Variants in PPP2R1B observed in about 807,000 individuals in gnomAD.
The protein encoded by PPP2R1B is serine/threonine-protein phosphatase 2A 65 kDa regulatory subunit A beta isoform.
PPP2R1B carries 58 observed loss-of-function variants against 72.7 expected under a neutral mutation model. The ratio of observed to expected loss-of-function variants is 0.80; its 90% confidence interval spans 0.65 to 0.99. The LOEUF (loss-of-function observed/expected upper bound fraction) is 0.99, where lower values mean the gene tolerates loss of function less well. Among genes scored for constraint, PPP2R1B ranks in the 50% least tolerant of loss-of-function variants. The probability of loss-of-function intolerance (pLI) is 0.00; values close to 1 mark genes in which losing one functional copy is unlikely to be tolerated. For missense variants in PPP2R1B, 695 were observed against 733.6 expected, an observed-to-expected ratio of 0.95 and a Z score of 0.61; for synonymous variants, 256 against 264.6, an observed-to-expected ratio of 0.97 and a Z score of 0.32.
At chr11:111,723,604 C>G, downstream of PPP2R1B, 1 of 1,614,008 alleles carries the variant, frequency 6.2e-7, no homozygotes, top group Non-Finnish European at 8.5e-7. Context: ...AGCAGCTGCC[C>G]CTTCCCCGCC....
intron 11 of PPP2R1B, 85 bp from the exon 12 acceptor site, chr11:111,743,615 G>A: frequency 4.7e-6 from 7 of 1,475,946 alleles, no homozygotes; most frequent in South Asian, 1.3e-5. Context: ...AATCAAATGT[G>A]GACCAAAAGC....
rs1944388876 is a variant in PPP2R1B at position 111,737,999 on chromosome 11, T to C, written c.*3597A>G. 2.0e-6 allele frequency: 2 copies of C among 1,010,358 alleles called. No homozygotes were observed. The allele number at this position is 1,010,358 out of a possible 1,614,324, so 62.6% of individuals were successfully genotyped here. ...AGATTTCCATCCCAACTGAACGTTA[T>C]GTAATTTCCTGGAAACAGCAGGCTC... On this transcript the variant is annotated 3_prime_UTR_variant, in exon 15 of 15. Transcript: ENST00000527614.
Position 111,737,970 on chromosome 11 carries a change from CG to C in PPP2R1B, c.*3625del. Reference sequence around the variant, plus strand: ...GAGTAATTAAACTCTATTCGTCCTCCGGAAGATTTCCATCCCAACTGAACGT... The same window carrying C: ...GAGTAATTAAACTCTATTCGTCCTCCGAAGATTTCCATCCCAACTGAACGT... On this transcript the variant is annotated 3_prime_UTR_variant, in exon 15 of 15. Transcript: ENST00000527614. The C allele has an allele frequency of 3.0e-6, 3 of 1,016,626 alleles. No homozygotes were observed. Among genetic ancestry groups the C allele is most frequent in the Non-Finnish European group, 3.5e-6 (3 of 847,820 alleles). The allele number at this position is 1,016,626 out of a possible 1,614,324, so 63.0% of individuals were successfully genotyped here. A position where few individuals can be genotyped will look rare whatever the true frequency, so the allele number is the denominator to read the frequency against.
chr11:111,721,342 G>A, the PPP2R1B span, among the ~76,000 whole-genome samples: 5 of 152,056 alleles, frequency 3.3e-5, no homozygotes, highest in Non-Finnish European at 5.9e-5. Context: ...TCTTACAGTC[G>A]CCCTTGAACT....
chr11:111,730,686 C>A (rs1489187292), intron 15 of PPP2R1B: 1 of 151,234 alleles, frequency 6.6e-6, no homozygotes, highest in Non-Finnish European at 1.5e-5. Context: ...AAAAAAAAAT[C>A]AAAAGTATAA....
At chr11:111,690,013 A>T in the PPP2R1B span, among the ~76,000 whole-genome samples, 1 of 151,990 alleles carries the variant, frequency 6.6e-6, no homozygotes, top group South Asian at 2.1e-4. Flanking sequence ...ACACATATAC[A>T]CGTATATATA....
chr11:111,761,757 G>A (rs1213251719), intron 3 of PPP2R1B, among the ~76,000 whole-genome samples: 4 of 152,128 alleles, frequency 2.6e-5, no homozygotes, highest in South Asian at 2.1e-4. Context: ...TCAGGAGCTC[G>A]AGACCAGCCT....
At chr11:111,712,292 A>G in the PPP2R1B span, 4 of 1,614,174 alleles carry the variant, frequency 2.5e-6, no homozygotes, top group South Asian at 3.3e-5. Flanking sequence ...CCAGGCATCC[A>G]ACGTGGAGGC....
downstream of PPP2R1B, among the ~76,000 whole-genome samples, chr11:111,735,882 G>C (rs1944325816): frequency 6.6e-6 from 1 of 152,232 alleles, no homozygotes; most frequent in South Asian, 2.1e-4. Flanking sequence ...TCACTTGGCT[G>C]CTGGCCCCTG....
At chr11:111,749,196 T>A (rs1944812233) in intron 10 of PPP2R1B, among the ~76,000 whole-genome samples, 1 of 152,108 alleles carries the variant, frequency 6.6e-6, no homozygotes, top group Non-Finnish European at 1.5e-5. Context: ...GGCATACACT[T>A]AGATTACGTC....
At chr11:111,762,553 C>CTTTTT (rs11431567) in intron 3 of PPP2R1B, among the ~76,000 whole-genome samples, 7 of 136,160 alleles carry the variant, frequency 5.1e-5, no homozygotes, top group African/African-American at 1.9e-4. Context: ...TCCAGCAGTT[C>CTTTTT]TTTTTTTTTT....
chr11:111,733,618 A>T (rs1944258921), downstream of PPP2R1B, among the ~76,000 whole-genome samples: 1 of 151,944 alleles, frequency 6.6e-6, no homozygotes, highest in Admixed American at 6.5e-5. Flanking sequence ...CCACCCACAT[A>T]GTTGGGGGTG....
At chr11:111,734,453 T>C (rs1194478960), downstream of PPP2R1B, among the ~76,000 whole-genome samples, 1 of 152,200 alleles carries the variant, frequency 6.6e-6, no homozygotes, top group African/African-American at 2.4e-5. Flanking sequence ...CAAGCTCCAG[T>C]GTGGAAAAGA....
At chr11:111,741,862 C>A in intron 14 of PPP2R1B, 191 bp downstream of exon 14, 1 of 711,274 alleles carries the variant, frequency 1.4e-6, no homozygotes, top group Non-Finnish European at 2.4e-6. Flanking sequence ...AGAAAAATAG[C>A]CTGCTCACTT....
the PPP2R1B span, among the ~76,000 whole-genome samples, chr11:111,708,401 AAAAT>A: frequency 6.6e-5 from 10 of 152,288 alleles, no homozygotes; most frequent in African/African-American, 2.2e-4. Context: ...AACATAAAAA[AAAAT>A]AAATAAAGTA....
chr11:111,720,436 T>A, the PPP2R1B span: 3 of 1,543,110 alleles, frequency 1.9e-6, no homozygotes, highest in Non-Finnish European at 2.6e-6. Context: ...TCCAAGGAGA[T>A]GCTATTGCTG....
In PPP2R1B at chr11:111,740,277, G is replaced by T. The variant is rs1258404984; in HGVS notation, c.*1319C>A. On this transcript the variant is annotated 3_prime_UTR_variant, in exon 15 of 15. Coordinates refer to ENST00000527614, the MANE Select transcript of PPP2R1B (RefSeq NM_002716.5). The stretch of plus-strand genomic sequence containing the variant: ...CTATGGCCCAGGCTAGAGTGCAGTG[G>T]CGCGATCTCGGCTCAGTGCAACCTC... The T allele has an allele frequency of 3.2e-6, 3 of 949,678 alleles. No homozygotes were observed. In the African/African-American group the frequency reaches 5.3e-5, roughly 17 times the overall value. The allele number at this position is 949,678 out of a possible 1,614,324, so 58.8% of individuals were successfully genotyped here.
chr11:111,730,216 G>A (rs950495338), intron 15 of PPP2R1B: 3 of 152,218 alleles, frequency 2.0e-5, no homozygotes, highest in Non-Finnish European at 4.4e-5. Context: ...CAACATCCTG[G>A]AAACATATGA....
At chr11:111,765,034 C>G in intron 2 of PPP2R1B, 129 bp from the exon 3 acceptor site, 1 of 1,435,318 alleles carries the variant, frequency 7.0e-7, no homozygotes, top group Non-Finnish European at 9.2e-7. Context: ...ACAGCATTTT[C>G]TTTCTTCTCA....
Sources: allele counts gnomAD v4.1 joint callset (sites outside exome capture counted in the v4.1 genomes callset), GRCh38; gene constraint gnomAD v4.1.1; transcripts MANE v1.5; gene names NCBI Gene and HGNC (gene_info 2026-07-23, HGNC 2026-07-21).